MATN2: variants seen among roughly 807,000 people sequenced by gnomAD.
MATN2 encodes the protein matrilin 2, also known as matrilin-2.
In MATN2, 69 loss-of-function variants were observed where a neutral mutation model predicts 103.2. The ratio of observed to expected loss-of-function variants is 0.67; its 90% CI spans 0.55 to 0.82. The LOEUF (loss-of-function observed/expected upper bound fraction) is 0.82. Among genes scored for constraint, MATN2 ranks in the 40% least tolerant of loss-of-function variants. The pLI is 0.00. For missense variants in MATN2, 1,023 were observed against 1,211.5 expected, an observed-to-expected ratio of 0.84 and a Z score of 2.31; for synonymous variants, 429 against 450.2, an observed-to-expected ratio of 0.95 and a Z score of 0.60.
At chr8:97,907,646 A>T (rs1819224531) in intron 2 of MATN2, among the ~76,000 whole-genome samples, 1 of 151,734 alleles carries the variant, frequency 6.6e-6, no homozygotes, top group African/African-American at 2.4e-5. Flanking sequence ...AATGAGTTTT[A>T]ATTCTAGCTC....
intron 2 of MATN2, among the ~76,000 whole-genome samples, chr8:97,922,248 C>A (rs571461713): frequency 6.6e-6 from 1 of 152,128 alleles, no homozygotes; most frequent in East Asian, 1.9e-4. Flanking sequence ...GGATCCATAC[C>A]GCTTTCACGG....
chr8:97,952,153 T>G (rs554133773), intron 4 of MATN2: 2 of 152,202 alleles, frequency 1.3e-5, no homozygotes, highest in Non-Finnish European at 2.9e-5. Flanking sequence ...CATAGCAAGC[T>G]TTCCTGTGGG....
At chr8:97,870,686 G>A (rs894660658) in intron 1 of MATN2, among the ~76,000 whole-genome samples, 4 of 152,190 alleles carry the variant, frequency 2.6e-5, no homozygotes, top group African/African-American at 7.2e-5. Context: ...CCATGGGTAC[G>A]TGAGGGTGGC....
intron 4 of MATN2, among the ~76,000 whole-genome samples, chr8:97,942,158 G>T (rs1810590397): frequency 6.6e-6 from 1 of 152,212 alleles, no homozygotes; most frequent in South Asian, 2.1e-4. Flanking sequence ...TTGGATGTGT[G>T]AACTGGTCTC....
At position 98,032,282 on chromosome 8, in the gene MATN2, C is replaced by A. The variant is rs950563952; in HGVS notation, c.2546C>A (p.Ala849Glu). ...TCCGATGGAAGACAGGACTCTCCAG[C>A]AGGGGAACTGCCAAAAACGGTCCAA... ...EDSDGRQDSPAGELPKTVQQP... is the reference protein window; with the variant it reads ...EDSDGRQDSPEGELPKTVQQP... The change falls in exon 16 of 19, where the codon GCA becomes GAA. Residue 849 changes from alanine (A) to glutamate (E), a missense_variant. By Grantham distance (107) the Ala-to-Glu change is moderately radical. Coordinates refer to ENST00000254898, the MANE Select transcript of MATN2 (RefSeq NM_002380.5). The A allele has an allele frequency of 8.1e-6, 13 of 1,611,914 alleles. No homozygotes were observed. The highest frequency in any genetic ancestry group is 1.7e-5 in the Admixed American group (1 of 59,682).
At chr8:98,031,014 T>G (rs1489198771) in intron 15 of MATN2, among the ~76,000 whole-genome samples, 1 of 152,094 alleles carries the variant, frequency 6.6e-6, no homozygotes, top group Non-Finnish European at 1.5e-5. Flanking sequence ...GTCTCCTTCA[T>G]GGGCAGGGCC....
chr8:97,900,433 G>A (rs533735261), intron 2 of MATN2, among the ~76,000 whole-genome samples: 6 of 152,288 alleles, frequency 3.9e-5, no homozygotes, highest in Admixed American at 2.0e-4. Context: ...GGGTCATTGC[G>A]CCATGAGAAG....
intron 2 of MATN2, among the ~76,000 whole-genome samples, chr8:97,928,967 G>A (rs561762627): frequency 5.9e-5 from 9 of 152,306 alleles, no homozygotes; most frequent in Admixed American, 2.0e-4. Context: ...CACACCAAGT[G>A]ACAAAGTGCT....
At chr8:97,979,837 C>A (rs949701455) in intron 6 of MATN2, among the ~76,000 whole-genome samples, 17 of 152,132 alleles carry the variant, frequency 1.1e-4, no homozygotes, top group Admixed American at 7.9e-4. Flanking sequence ...ATAAAAAGTT[C>A]ATGTACCTAC....
intron 5 of MATN2, among the ~76,000 whole-genome samples, chr8:97,974,517 G>T (rs759206244): frequency 8.5e-5 from 13 of 152,092 alleles, no homozygotes; most frequent in Non-Finnish European, 1.5e-4. Flanking sequence ...CACGATCTTG[G>T]CTCACTGCAA....
chr8:98,028,367 T>TCTAA (rs1418684955), intron 14 of MATN2, among the ~76,000 whole-genome samples: 3 of 152,182 alleles, frequency 2.0e-5, no homozygotes, highest in Admixed American at 6.5e-5. Context: ...AGATTATGAC[T>TCTAA]CTAAGCTCTT....
intron 5 of MATN2, among the ~76,000 whole-genome samples, chr8:97,962,955 C>T (rs891794093): frequency 1.3e-5 from 2 of 152,142 alleles, no homozygotes; most frequent in Admixed American, 6.5e-5. Context: ...GCCAATATGG[C>T]GAAACCCGGT....
At chr8:97,897,766 A>G (rs1363953127) in intron 2 of MATN2, among the ~76,000 whole-genome samples, 1 of 152,186 alleles carries the variant, frequency 6.6e-6, no homozygotes, top group Admixed American at 6.5e-5. Flanking sequence ...GTTCCCTATC[A>G]AATTCATCCT....
chr8:98,008,870 G>T (rs1307755853), intron 10 of MATN2, among the ~76,000 whole-genome samples: 1 of 152,156 alleles, frequency 6.6e-6, no homozygotes, highest in Non-Finnish European at 1.5e-5. Flanking sequence ...ACTACAAGAT[G>T]GTTGTAGGAC....
chr8:97,893,588 ATTTATTT>A (rs1245915159), intron 2 of MATN2, among the ~76,000 whole-genome samples: 2 of 149,580 alleles, frequency 1.3e-5, no homozygotes, highest in African/African-American at 5.0e-5. Flanking sequence ...TTATTTATTT[ATTTATTT>A]ATGATAGAGT....
chr8:97,893,508 A>G (rs930360916), intron 2 of MATN2, among the ~76,000 whole-genome samples: 1 of 152,150 alleles, frequency 6.6e-6, no homozygotes, highest in Admixed American at 6.5e-5. Context: ...CCAGTGGGGT[A>G]TATCAGCCTT....
intron 2 of MATN2, among the ~76,000 whole-genome samples, chr8:97,906,997 CTTTT>C: frequency 8.6e-6 from 1 of 116,142 alleles, no homozygotes; most frequent in African/African-American, 3.5e-5. Context: ...CCATAGCTGA[CTTTT>C]TTTTTTTTTT....
Position 98,033,081 on chromosome 8 carries a change from C to T in MATN2, c.2621C>T (p.Ser874Phe). The change falls in exon 17 of 19, where the codon TCC becomes TTC. Residue 874 changes from serine (S) to phenylalanine (F), a missense_variant. Transcript: ENST00000254898. ...PVTINIQDLL[S>F]CSNFAVQHRY... ...ACCATAAATATCCAAGACCTACTTT[C>T]CTGTTCTAATTTTGCAGTGCAACAC... 1 of 1,612,196 alleles carries T rather than the reference C, an allele frequency of 6.2e-7. No individual in the cohort carries two copies.
At chr8:97,902,451 C>G (rs1219988121) in intron 2 of MATN2, among the ~76,000 whole-genome samples, 2 of 148,728 alleles carry the variant, frequency 1.3e-5, no homozygotes, top group Non-Finnish European at 1.5e-5. Flanking sequence ...GAGCCGAGAT[C>G]GCACCATTGC....
Sources: allele counts gnomAD v4.1 joint callset (sites outside exome capture counted in the v4.1 genomes callset), GRCh38; gene constraint gnomAD v4.1.1; transcripts MANE v1.5; gene names NCBI Gene and HGNC (gene_info 2026-07-23, HGNC 2026-07-21).